ARHGEF38: variants seen among roughly 807,000 people sequenced by gnomAD.
The protein encoded by ARHGEF38 is Rho guanine nucleotide exchange factor 38.
In ARHGEF38, 79 loss-of-function variants were observed where a neutral mutation model predicts 79.9. That is an observed-to-expected ratio of 0.99 (90% CI 0.82 to 1.19). The LOEUF is 1.19. Ranked by LOEUF, ARHGEF38 falls within the 50% of genes most tolerant of loss-of-function variation. ARHGEF38 has a pLI of 0.00. For missense variants in ARHGEF38, 962 were observed against 907.2 expected (o/e 1.06, Z -0.78); for synonymous variants, 366 against 328.3 (o/e 1.11, Z -1.24).
chr4:105,624,460 G>A (rs1728862614), intron 3 of ARHGEF38, among the ~76,000 whole-genome samples: 1 of 152,054 alleles, frequency 6.6e-6, no homozygotes, highest in South Asian at 2.1e-4. Flanking sequence ...TTAATCCCAT[G>A]GCTGCATGTC....
chr4:105,643,043 C>T (rs1729685264), intron 5 of ARHGEF38, among the ~76,000 whole-genome samples: 1 of 151,742 alleles, frequency 6.6e-6, no homozygotes, highest in African/African-American at 2.4e-5. Flanking sequence ...AGAACCTCTG[C>T]TTACAATATA....
intron 1 of ARHGEF38, among the ~76,000 whole-genome samples, chr4:105,555,850 C>G (rs1725229475): frequency 6.6e-6 from 1 of 152,098 alleles, no homozygotes; most frequent in South Asian, 2.1e-4. Context: ...CTCATGATAC[C>G]TAGTCTATCT....
downstream of ARHGEF38, among the ~76,000 whole-genome samples, chr4:105,681,224 T>A (rs769841384): frequency 6.6e-6 from 1 of 152,044 alleles, no homozygotes; most frequent in Non-Finnish European, 1.5e-5. Flanking sequence ...TCCTGGATTC[T>A]AATTTACTAC....
At chr4:105,665,465 C>A (rs1407784076) in intron 10 of ARHGEF38, among the ~76,000 whole-genome samples, 1 of 151,726 alleles carries the variant, frequency 6.6e-6, no homozygotes, top group African/African-American at 2.4e-5. Context: ...CCTCTGCACT[C>A]CAGCCTGAAA....
intron 3 of ARHGEF38, among the ~76,000 whole-genome samples, chr4:105,614,413 C>T (rs1021822256): frequency 8.6e-5 from 13 of 152,044 alleles, no homozygotes; most frequent in Admixed American, 1.3e-4. Context: ...CTTTGAGATA[C>T]ACACACAAAG....
intron 3 of ARHGEF38, among the ~76,000 whole-genome samples, chr4:105,622,040 T>TA (rs1728756162): frequency 6.6e-6 from 1 of 152,066 alleles, no homozygotes; most frequent in South Asian, 2.1e-4. Context: ...GGCTGTAACA[T>TA]GGGGGTTGGA....
intron 7 of ARHGEF38, among the ~76,000 whole-genome samples, chr4:105,652,705 C>A (rs556796632): frequency 7.1e-6 from 1 of 141,344 alleles, no homozygotes; most frequent in Admixed American, 6.8e-5. Flanking sequence ...CTGGTGACGC[C>A]TCCTTGGAAA....
At chr4:105,616,796 G>A (rs759145670) in intron 3 of ARHGEF38, among the ~76,000 whole-genome samples, 12 of 152,024 alleles carry the variant, frequency 7.9e-5, no homozygotes, top group South Asian at 2.1e-4. Context: ...CTGAAGCAGC[G>A]GCAACATCTA....
chr4:105,557,978 A>ACTG (rs879335873), intron 1 of ARHGEF38, among the ~76,000 whole-genome samples: 2 of 152,156 alleles, frequency 1.3e-5, no homozygotes, highest in African/African-American at 2.4e-5. Flanking sequence ...ACCCATTACC[A>ACTG]CTGCCGGTAA....
chr4:105,595,298 T>A (rs1307410269), intron 2 of ARHGEF38, among the ~76,000 whole-genome samples: 6 of 152,204 alleles, frequency 3.9e-5, no homozygotes, highest in African/African-American at 1.4e-4. Flanking sequence ...GTGTATTTAT[T>A]TTGAATTTAC....
intron 5 of ARHGEF38, among the ~76,000 whole-genome samples, chr4:105,644,690 C>G (rs772619162): frequency 2.6e-5 from 4 of 152,172 alleles, no homozygotes; most frequent in Non-Finnish European, 5.9e-5. Flanking sequence ...GTGGTAGAAC[C>G]TACAAAACAT....
At chr4:105,558,735 G>A (rs1240924189) in intron 1 of ARHGEF38, among the ~76,000 whole-genome samples, 1 of 151,904 alleles carries the variant, frequency 6.6e-6, no homozygotes, top group Non-Finnish European at 1.5e-5. Flanking sequence ...ATATTGTGAT[G>A]GGCAAATTTA....
chr4:105,649,778 T>C (rs1265994437), intron 7 of ARHGEF38, among the ~76,000 whole-genome samples: 1 of 152,158 alleles, frequency 6.6e-6, no homozygotes, highest in Non-Finnish European at 1.5e-5. Flanking sequence ...CCCTTCTTCC[T>C]CTGGAAAGGG....
At chr4:105,674,171 G>T (rs1731046267) in intron 13 of ARHGEF38, among the ~76,000 whole-genome samples, 1 of 152,088 alleles carries the variant, frequency 6.6e-6, no homozygotes, top group Admixed American at 6.6e-5. Flanking sequence ...AGATCTAGTG[G>T]TTATAAGCAG....
At position 105,628,985 on chromosome 4, in the gene ARHGEF38, T is replaced by A. The variant is rs1729069979; in HGVS notation, c.509-1913T>A. On this transcript the variant is annotated intron_variant, in intron 3 of 13. Transcript: ENST00000420470. Reference sequence around the variant, plus strand: ...TCTATCACCCCATTTCATTCTCAAATGAATCTCAATGGCTACTATTATTTT... The same window carrying A: ...TCTATCACCCCATTTCATTCTCAAAAGAATCTCAATGGCTACTATTATTTT... Among the ~76,000 whole-genome samples, 3 of 152,190 alleles carry A rather than the reference T, an allele frequency of 2.0e-5. No individual in the cohort carries two copies. In the South Asian group the frequency reaches 6.2e-4, roughly 32 times the overall value.
At chr4:105,562,998 A>G (rs994511961) in intron 1 of ARHGEF38, among the ~76,000 whole-genome samples, 24 of 152,146 alleles carry the variant, frequency 1.6e-4, no homozygotes, top group African/African-American at 5.3e-4. Flanking sequence ...GGGCCCTTGT[A>G]TCACACTTTA....
rs73837073 is a variant in ARHGEF38, at chr4:105,613,650, G to A, written c.508+143G>A. The A allele has an allele frequency of 5.9e-3, 4,952 of 844,148 alleles. 178 individuals carry two copies. The African/African-American group carries it at 0.076, about 13-fold the overall frequency. The allele number at this position is 844,148 out of a possible 1,614,324, so 52.3% of individuals were successfully genotyped here. On this transcript the variant is annotated intron_variant, in intron 3 of 13. Coordinates refer to ENST00000420470, the MANE Select transcript of ARHGEF38 (RefSeq NM_001242729.2). The stretch of plus-strand genomic sequence containing the variant: ...CTAAACCCATCTTTGGGCTCATTGT[G>A]ATTATGCAGACTCTGTGTTTATTTT...
chr4:105,636,880 A>C (rs924520589), intron 5 of ARHGEF38, among the ~76,000 whole-genome samples: 1 of 152,142 alleles, frequency 6.6e-6, no homozygotes, highest in Admixed American at 6.6e-5. Context: ...ATGGAGAAAA[A>C]AATCATACAC....
Position 105,679,776 on chromosome 4 carries a change from C to T in ARHGEF38, c.*1839C>T. ...CTTGGTTGATAAAAACATATACAAA[C>T]CCCTGTCTGTCCAGCTTTACCCACG... On this transcript the variant is annotated 3_prime_UTR_variant, in exon 14 of 14. Coordinates refer to ENST00000420470, the MANE Select transcript of ARHGEF38 (RefSeq NM_001242729.2). The T allele has an allele frequency of 4.1e-6, 4 of 971,110 alleles. No individual in the cohort carries two copies. The highest frequency in any genetic ancestry group is 6.6e-6 in the Non-Finnish European group (4 of 601,986). 60.2% of individuals were successfully genotyped at this position (971,110 alleles called of 1,614,324 possible).
Sources: gnomAD v4.1 joint callset for allele counts (sites outside exome capture counted in the v4.1 genomes callset) on GRCh38, gnomAD v4.1.1 for gene constraint, MANE v1.5 for transcripts, NCBI Gene and HGNC (gene_info 2026-07-23, HGNC 2026-07-21) for gene names.